Variants in SCAPER observed in about 807,000 individuals in gnomAD.
SCAPER encodes the protein S-phase cyclin A associated protein in the ER.
A neutral mutation model predicts 182.2 loss-of-function variants in SCAPER; 98 were observed. The ratio of observed to expected loss-of-function variants is 0.54; its 90% CI spans 0.46 to 0.64. The LOEUF is 0.64. SCAPER is among the 30% of genes least tolerant of loss of function. The pLI, the probability that SCAPER is intolerant of heterozygous loss-of-function variation, is 0.00. For missense variants in SCAPER, 1,432 were observed against 1,690.0 expected (o/e 0.85, Z 2.68); for synonymous variants, 605 against 564.6 (o/e 1.07, Z -1.01).
chr15:76,449,412 A>G (rs2048221345), intron 25 of SCAPER, among the ~76,000 whole-genome samples: 1 of 152,226 alleles, frequency 6.6e-6, no homozygotes, highest in South Asian at 2.1e-4. Context: ...CTGGGGAAGC[A>G]ATTCAGCTTA....
At chr15:76,846,387 G>A (rs2070093546) in intron 4 of SCAPER, among the ~76,000 whole-genome samples, 1 of 151,872 alleles carries the variant, frequency 6.6e-6, no homozygotes, top group Non-Finnish European at 1.5e-5. Context: ...CACAGCAAAG[G>A]AAACAATCAA....
chr15:76,600,936 A>G lies in SCAPER; in HGVS notation c.2711+20828T>C, dbSNP rs567487736. 3.3e-5 allele frequency among the ~76,000 whole-genome samples: 4 copies of G among 121,430 alleles called. 1 individual carries two copies. In the South Asian group the frequency reaches 1.0e-3, roughly 30 times the overall value. 79.7% of individuals were successfully genotyped at this position (121,430 alleles called of 152,430 possible). ...AGATCGAATCTATACATTTTAAAGC[A>G]ATTTTTGGAAAGGACCAATAAAAAA... On this transcript the variant is annotated intron_variant, in intron 22 of 31. Transcript: ENST00000563290.
At chr15:76,496,767 A>G (rs575230800) in intron 24 of SCAPER, among the ~76,000 whole-genome samples, 1 of 152,280 alleles carries the variant, frequency 6.6e-6, no homozygotes, top group African/African-American at 2.4e-5. Context: ...GTGGGCATTT[A>G]TTCATTCTTT....
chr15:76,787,541 G>A lies in SCAPER; in HGVS notation c.772+7739C>T, dbSNP rs538743379. Among the ~76,000 whole-genome samples, 106 of 152,228 alleles carry A rather than the reference G, an allele frequency of 7.0e-4. No homozygotes were observed. The Middle Eastern group carries it at 0.014, about 20-fold the overall frequency. ...AGGTCTCACTATGTTGCCCAGGCTG[G>A]ATGTGAACCTCTAGACTCAAGCAAT... On this transcript the variant is annotated intron_variant, in intron 8 of 31. Transcript: ENST00000563290.
rs145096885 is a variant in SCAPER, at chr15:76,614,972, G to A, written c.2711+6792C>T. 6.1e-3 allele frequency among the ~76,000 whole-genome samples: 928 copies of A among 152,282 alleles called. 7 individuals carry two copies. Among genetic ancestry groups the A allele is most frequent in the African/African-American group, 0.02 (847 of 41,546 alleles). On this transcript the variant is annotated intron_variant, in intron 22 of 31. Coordinates refer to ENST00000563290, the MANE Select transcript of SCAPER (RefSeq NM_020843.4). Reference sequence around the variant, plus strand: ...TATGAATACATAAGAAGGATTCAAAGAGAGTACTATTAACAACTGTATGGC... The same window carrying A: ...TATGAATACATAAGAAGGATTCAAAAAGAGTACTATTAACAACTGTATGGC...
intron 17 of SCAPER, among the ~76,000 whole-genome samples, chr15:76,723,630 G>A (rs889652169): frequency 1.3e-5 from 2 of 152,128 alleles, no homozygotes; most frequent in African/African-American, 4.8e-5. Context: ...TTGGGTGCAT[G>A]TATATTTAGG....
chr15:76,402,955 A>G (rs2044568611), intron 27 of SCAPER, among the ~76,000 whole-genome samples: 3 of 152,128 alleles, frequency 2.0e-5, no homozygotes, highest in Admixed American at 1.3e-4. Context: ...CGTGTAAGTG[A>G]CAGCTGAAGC....
intron 22 of SCAPER, among the ~76,000 whole-genome samples, chr15:76,578,329 T>C (rs962573537): frequency 2.3e-4 from 35 of 152,170 alleles, no homozygotes; most frequent in African/African-American, 8.2e-4. Flanking sequence ...TACCTGCTGA[T>C]TGCTGAGCCC....
At chr15:76,351,571 A>C (rs763858607) in intron 30 of SCAPER, among the ~76,000 whole-genome samples, 3 of 152,270 alleles carry the variant, frequency 2.0e-5, no homozygotes, top group Non-Finnish European at 2.9e-5. Flanking sequence ...TTACTATCTT[A>C]AAATATCAAC....
At chr15:76,720,270 A>G (rs1319496228) in intron 17 of SCAPER, among the ~76,000 whole-genome samples, 6 of 152,022 alleles carry the variant, frequency 3.9e-5, no homozygotes, top group Non-Finnish European at 7.4e-5. Flanking sequence ...ATCATTTTTT[A>G]TGGCTGCATA....
intron 25 of SCAPER, among the ~76,000 whole-genome samples, chr15:76,437,511 T>A (rs1186549693): frequency 6.6e-6 from 1 of 152,232 alleles, no homozygotes; most frequent in Non-Finnish European, 1.5e-5. Flanking sequence ...ATTAACTCAA[T>A]AAATCCTCTA....
chr15:76,545,695 C>T (rs539021901), intron 23 of SCAPER, among the ~76,000 whole-genome samples: 3 of 152,098 alleles, frequency 2.0e-5, no homozygotes, highest in African/African-American at 7.2e-5. Flanking sequence ...TTGAAGACTA[C>T]TGTGAAGGGA....
At chr15:76,483,056 AG>A in intron 24 of SCAPER, among the ~76,000 whole-genome samples, 1 of 152,244 alleles carries the variant, frequency 6.6e-6, no homozygotes, top group Non-Finnish European at 1.5e-5. Flanking sequence ...TTAAATAAGA[AG>A]GATAAAGTTG....
chr15:76,397,723 C>G (rs1406396492), intron 27 of SCAPER, among the ~76,000 whole-genome samples: 1 of 152,038 alleles, frequency 6.6e-6, no homozygotes, highest in Non-Finnish European at 1.5e-5. Context: ...GTGATCCGCC[C>G]GCCTTGGCCT....
At chr15:76,889,114 G>A (rs1265865005) in intron 1 of SCAPER, among the ~76,000 whole-genome samples, 1 of 152,166 alleles carries the variant, frequency 6.6e-6, no homozygotes, top group Admixed American at 6.5e-5. Flanking sequence ...ATCCTTTACA[G>A]ACAAGCAAAT....
At chr15:76,776,041 C>T (rs1480286228) in intron 8 of SCAPER, among the ~76,000 whole-genome samples, 1 of 151,950 alleles carries the variant, frequency 6.6e-6, no homozygotes, top group African/African-American at 2.4e-5. Context: ...AATTAAAAAC[C>T]CTAGATAAAA....
chr15:76,642,376 A>C (rs1170330919), intron 21 of SCAPER, among the ~76,000 whole-genome samples: 1 of 152,212 alleles, frequency 6.6e-6, no homozygotes, highest in African/African-American at 2.4e-5. Flanking sequence ...ACTGGGAAGG[A>C]TTACTCAGTA....
intron 20 of SCAPER, among the ~76,000 whole-genome samples, chr15:76,691,389 G>C (rs2147131704): frequency 6.6e-6 from 1 of 152,146 alleles, no homozygotes; most frequent in African/African-American, 2.4e-5. Flanking sequence ...AATAATGTCT[G>C]CTCTTAAGGA....
At chr15:76,458,482 T>C in intron 25 of SCAPER, among the ~76,000 whole-genome samples, 1 of 152,020 alleles carries the variant, frequency 6.6e-6, no homozygotes, top group Admixed American at 6.5e-5. Context: ...TTTGCCTAGC[T>C]TGATTTTCTT....
Sources: gnomAD v4.1 joint callset for allele counts (sites outside exome capture counted in the v4.1 genomes callset) on GRCh38, gnomAD v4.1.1 for gene constraint, MANE v1.5 for transcripts, NCBI Gene and HGNC (gene_info 2026-07-23, HGNC 2026-07-21) for gene names.